Variants in PRKCA observed in about 807,000 individuals in gnomAD.
The protein encoded by PRKCA is protein kinase C alpha, also known as protein kinase C alpha type.
A neutral mutation model predicts 87.0 loss-of-function variants in PRKCA; 27 were observed. The ratio of observed to expected loss-of-function variants is 0.31; its 90% CI spans 0.23 to 0.43. PRKCA has a LOEUF of 0.43. Among genes scored for constraint, PRKCA ranks in the 20% least tolerant of loss-of-function variants. The pLI is 1.00. For missense variants in PRKCA, 518 were observed against 852.3 expected, an observed-to-expected ratio of 0.61 and a Z score of 4.88; for synonymous variants, 329 against 311.1, an observed-to-expected ratio of 1.06 and a Z score of -0.61.
chr17:66,486,686 C>T (rs1354734246), intron 2 of PRKCA, among the ~76,000 whole-genome samples: 2 of 152,096 alleles, frequency 1.3e-5, no homozygotes, highest in African/African-American at 2.4e-5. Context: ...GGTCCACAGT[C>T]CCCCGTTGTC....
intron 8 of PRKCA, among the ~76,000 whole-genome samples, chr17:66,719,438 A>G (rs2144153782): frequency 6.6e-6 from 1 of 152,352 alleles, no homozygotes; most frequent in East Asian, 1.9e-4. Flanking sequence ...TAAAATTATA[A>G]GATTTTAGTA....
intron 3 of PRKCA, among the ~76,000 whole-genome samples, chr17:66,607,982 A>C (rs1970256352): frequency 6.6e-6 from 1 of 152,222 alleles, no homozygotes; most frequent in Admixed American, 6.5e-5. Context: ...CAGTTTTTAC[A>C]AGTTTGGAAC....
intron 3 of PRKCA, among the ~76,000 whole-genome samples, chr17:66,517,409 CCT>C (rs780079354): frequency 1.3e-5 from 2 of 152,206 alleles, no homozygotes; most frequent in Non-Finnish European, 2.9e-5. Flanking sequence ...CTCCTGCGTG[CCT>C]CTTTGAAGAC....
intron 2 of PRKCA, among the ~76,000 whole-genome samples, chr17:66,378,207 C>T (rs1355953953): frequency 6.6e-6 from 1 of 152,142 alleles, no homozygotes; most frequent in African/African-American, 2.4e-5. Context: ...CCTGTAGTCT[C>T]AGCTACTCAG....
intron 5 of PRKCA, among the ~76,000 whole-genome samples, chr17:66,671,850 A>G (rs569234636): frequency 1.3e-5 from 2 of 152,344 alleles, no homozygotes; most frequent in South Asian, 4.1e-4. Flanking sequence ...GATAAAATAC[A>G]TGGCCCTGAA....
At chr17:66,542,222 T>C (rs959160024) in intron 3 of PRKCA, among the ~76,000 whole-genome samples, 4 of 152,236 alleles carry the variant, frequency 2.6e-5, no homozygotes, top group African/African-American at 7.2e-5. Context: ...GATTAAAATA[T>C]GACCTTTTTC....
chr17:66,751,523 C>A (rs1411894519), intron 13 of PRKCA, among the ~76,000 whole-genome samples: 1 of 152,238 alleles, frequency 6.6e-6, no homozygotes, highest in Admixed American at 6.5e-5. Context: ...TTTAATCCAG[C>A]TAATAAAGCT....
intron 3 of PRKCA, among the ~76,000 whole-genome samples, chr17:66,626,665 C>T (rs1970866844): frequency 1.3e-5 from 2 of 151,968 alleles, no homozygotes; most frequent in South Asian, 4.2e-4. Context: ...CCATCACGCC[C>T]AGCCTAGTTT....
chr17:66,735,396 CTG>C, intron 9 of PRKCA, 91 bp from the exon 10 acceptor site: 1 of 1,319,910 alleles, frequency 7.6e-7, no homozygotes, highest in Middle Eastern at 1.8e-4. Context: ...GGTGCACAAA[CTG>C]TCACTGAGCC....
chr17:66,559,606 CT>C (rs1431037968), intron 3 of PRKCA, among the ~76,000 whole-genome samples: 2 of 148,310 alleles, frequency 1.3e-5, no homozygotes, highest in Non-Finnish European at 3.0e-5. Context: ...CAGAGAGAAA[CT>C]GTCCAATAAG....
At position 66,487,223 on chromosome 17, in the gene PRKCA, C is replaced by T. The variant is rs189453888; in HGVS notation, c.206-8978C>T. On this transcript the variant is annotated intron_variant, in intron 2 of 16. Coordinates refer to ENST00000413366, the MANE Select transcript of PRKCA (RefSeq NM_002737.3). Reference sequence around the variant, plus strand: ...TCTTCCCAGCCTCTACTCGTTACCTCTGTGAGATCTACTTTTTTAGCTCCC... The same window carrying T: ...TCTTCCCAGCCTCTACTCGTTACCTTTGTGAGATCTACTTTTTTAGCTCCC... 2.6e-3 allele frequency among the ~76,000 whole-genome samples: 400 copies of T among 152,290 alleles called. 9 individuals are homozygous for T. The highest frequency in any genetic ancestry group is 6.8e-4 in the Non-Finnish European group (46 of 68,016).
chr17:66,760,020 G>A (rs1197592968), intron 13 of PRKCA, among the ~76,000 whole-genome samples: 12 of 152,162 alleles, frequency 7.9e-5, no homozygotes, highest in African/African-American at 9.7e-5. Flanking sequence ...GACATATCCC[G>A]CAAGGAGAGA....
intron 3 of PRKCA, among the ~76,000 whole-genome samples, chr17:66,608,704 A>G (rs778896204): frequency 6.6e-6 from 1 of 152,166 alleles, no homozygotes; most frequent in Non-Finnish European, 1.5e-5. Context: ...TGGCCCAGGA[A>G]TCTGTTCTCA....
In PRKCA at chr17:66,532,511, A is replaced by G. The variant is rs1183802460; in HGVS notation, c.288+36228A>G. 4.6e-5 allele frequency among the ~76,000 whole-genome samples: 7 copies of G among 151,874 alleles called. No homozygotes were observed. The South Asian group carries it at 1.0e-3, about 23-fold the overall frequency. ...CTCCTGAGGAGCTGGGATTACAAGC[A>G]TGCACCACCATGCCCGACTAATTTT... On this transcript the variant is annotated intron_variant, in intron 3 of 16. Coordinates refer to ENST00000413366, the MANE Select transcript of PRKCA (RefSeq NM_002737.3).
chr17:66,617,839 G>A (rs1274540730), intron 3 of PRKCA, among the ~76,000 whole-genome samples: 1 of 152,156 alleles, frequency 6.6e-6, no homozygotes, highest in Non-Finnish European at 1.5e-5. Flanking sequence ...TACAATGAGA[G>A]AGCCATTCTT....
intron 3 of PRKCA, among the ~76,000 whole-genome samples, chr17:66,553,740 T>G (rs1363879063): frequency 1.3e-5 from 2 of 152,190 alleles, no homozygotes; most frequent in African/African-American, 4.8e-5. Flanking sequence ...GAGCGAAGCA[T>G]CTTGGAAGTG....
At chr17:66,485,547 T>A (rs946343232) in intron 2 of PRKCA, among the ~76,000 whole-genome samples, 1 of 152,208 alleles carries the variant, frequency 6.6e-6, no homozygotes, top group Non-Finnish European at 1.5e-5. Context: ...CCTTCCATCC[T>A]CTCAGAATTC....
At chr17:66,457,764 G>T (rs1013650368) in intron 2 of PRKCA, among the ~76,000 whole-genome samples, 2 of 152,152 alleles carry the variant, frequency 1.3e-5, no homozygotes, top group African/African-American at 2.4e-5. Flanking sequence ...CATCATGATT[G>T]TAAGTTTCCT....
At chr17:66,378,526 C>A (rs752401436) in intron 2 of PRKCA, among the ~76,000 whole-genome samples, 2 of 152,170 alleles carry the variant, frequency 1.3e-5, no homozygotes, top group Non-Finnish European at 2.9e-5. Context: ...ACTGTCTATT[C>A]TCCCTCTCTG....
Sources: gnomAD v4.1 joint callset for allele counts (sites outside exome capture counted in the v4.1 genomes callset) on GRCh38, gnomAD v4.1.1 for gene constraint, MANE v1.5 for transcripts, NCBI Gene and HGNC (gene_info 2026-07-23, HGNC 2026-07-21) for gene names.